CEP68: variants seen among roughly 807,000 people sequenced by gnomAD.
The protein encoded by CEP68 is centrosomal protein 68.
A neutral mutation model predicts 55.3 loss-of-function variants in CEP68; 26 were observed. The observed-to-expected ratio is 0.47, with a 90% confidence interval of 0.34 to 0.65. The LOEUF is 0.65. Among genes scored for constraint, CEP68 ranks in the 30% least tolerant of loss-of-function variants. CEP68 has a pLI of 0.01. For synonymous variants in CEP68, 402 were observed against 383.2 expected (o/e 1.05, Z -0.57); for missense variants, 957 against 946.7 (o/e 1.01, Z -0.14).
Position 65,074,317 on chromosome 2 carries a change from G to A in CEP68, c.1920G>A (p.Trp640Ter), listed in dbSNP as rs1558565169. The A allele has an allele frequency of 6.2e-7, 1 of 1,614,206 alleles. No homozygotes were observed. Among genetic ancestry groups the A allele is most frequent in the African/African-American group, 1.3e-5 (1 of 75,044 alleles). ...GTCAGCTGGAAGAGCTGATCTGCTG[G>A]CTGTATAATGTTGCAGATGTTACTG... ...FCCQLEELIC[W>*]LYNVADVTDH... The change falls in exon 4 of 7, where the codon TGG becomes TGA. Residue 640 changes from tryptophan (W) to a stop codon, truncating the protein, a stop_gained. Coordinates refer to ENST00000377990, the MANE Select transcript of CEP68 (RefSeq NM_015147.3). LOFTEE classifies it high-confidence loss of function.
rs1669000830 is a variant in CEP68 at position 65,085,508 on chromosome 2, C to G, written c.*1874C>G. ...CGCCGTGCTTTAAGTTTAAGACTTA[C>G]CTTAAAACTCAAGCTGAAGGCTGGG... On this transcript the variant is annotated 3_prime_UTR_variant, in exon 7 of 7. Coordinates refer to ENST00000377990, the MANE Select transcript of CEP68 (RefSeq NM_015147.3). 6.6e-6 allele frequency: 1 copy of G among 151,980 alleles called. No individual in the cohort carries two copies. Among genetic ancestry groups the G allele is most frequent in the Non-Finnish European group, 1.5e-5 (1 of 68,012 alleles). 9.4% of individuals were successfully genotyped at this position (151,980 alleles called of 1,614,324 possible).
chr2:65,056,530 T>TA lies in CEP68; in HGVS notation c.-47+3dup, dbSNP rs1377929138. 10 of 151,558 alleles carry TA rather than the reference T, an allele frequency of 6.6e-5. No homozygotes were observed. The highest frequency in any genetic ancestry group is 1.9e-4 in the African/African-American group (8 of 41,092). The allele number at this position is 151,558 out of a possible 1,614,324, so 9.4% of individuals were successfully genotyped here. On this transcript the variant is annotated splice_region_variant and intron_variant, in intron 1 of 6. Transcript: ENST00000377990. ...TGCGAAGCGTTCGCGGTGCGGTAGG[T>TA]AGGCAGTGTCCCGCGTGCGGGTGCT...
rs1407336266 is a variant in CEP68, at chr2:65,084,967, T to C, written c.*1333T>C. 6.6e-6 allele frequency: 1 copy of C among 152,198 alleles called. No homozygotes were observed. The highest frequency in any genetic ancestry group is 1.5e-5 in the Non-Finnish European group (1 of 68,034). 9.4% of individuals were successfully genotyped at this position (152,198 alleles called of 1,614,324 possible). ...AGGGAAAAACCACTCTAGCAAATAA[T>C]TGTCAATTATAAACCTGTATGTAAA... is the stretch of plus-strand genomic sequence containing the variant. On this transcript the variant is annotated 3_prime_UTR_variant, in exon 7 of 7. Coordinates refer to ENST00000377990, the MANE Select transcript of CEP68 (RefSeq NM_015147.3).
intron 5 of CEP68, among the ~76,000 whole-genome samples, chr2:65,079,812 T>C (rs1439032375): frequency 6.6e-6 from 1 of 152,156 alleles, no homozygotes; most frequent in African/African-American, 2.4e-5. Context: ...CCTGAGCGGC[T>C]CCTCTCTTCA....
chr2:65,066,313 C>T (rs1043694567), intron 1 of CEP68, among the ~76,000 whole-genome samples: 1 of 152,142 alleles, frequency 6.6e-6, no homozygotes, highest in African/African-American at 2.4e-5. Context: ...AGACATTGGA[C>T]CGGCTGGGCG....
Position 65,084,266 on chromosome 2 carries a change from T to C in CEP68, c.*632T>C, listed in dbSNP as rs1375392401. The C allele has an allele frequency of 6.6e-6, 1 of 152,246 alleles. No homozygotes were observed. Among genetic ancestry groups the C allele is most frequent in the African/African-American group, 2.4e-5 (1 of 41,456 alleles). The allele number at this position is 152,246 out of a possible 1,614,324, so 9.4% of individuals were successfully genotyped here. A position where few individuals can be genotyped will look rare whatever the true frequency, so the allele number is the denominator to read the frequency against. On this transcript the variant is annotated 3_prime_UTR_variant, in exon 7 of 7. Transcript: ENST00000377990. ...TCTTTACTTTCTTGGCTAACCAGTT[T>C]CTTAGAAGAAAATGTGTCAGGGACT...
intron 4 of CEP68, among the ~76,000 whole-genome samples, chr2:65,077,592 C>T (rs1234560552): frequency 6.6e-6 from 1 of 152,122 alleles, no homozygotes; most frequent in African/African-American, 2.4e-5. Context: ...AGAAGGAGAC[C>T]CTAACTCCAA....
rs1676468982 is a variant in CEP68, at chr2:65,071,678, C to G, written c.582C>G (p.Ser194=). The G allele has an allele frequency of 1.7e-5, 28 of 1,614,192 alleles. No homozygotes were observed. Among genetic ancestry groups the G allele is most frequent in the Non-Finnish European group, 2.2e-5 (26 of 1,180,030 alleles). ...GCCCAGGTTCCGCAGCTCAGCCTTCCAGCTGCAGCATCTCTGCTTCCTCCA... is the reference window on the plus strand; with the variant it reads ...GCCCAGGTTCCGCAGCTCAGCCTTCGAGCTGCAGCATCTCTGCTTCCTCCA... ...VLSPGSAAQP[S]SCSISASSTG... The change falls in exon 3 of 7, where the codon TCC becomes TCG. Residue 194 remains serine, a synonymous_variant. Coordinates refer to ENST00000377990, the MANE Select transcript of CEP68 (RefSeq NM_015147.3).
Position 65,072,298 on chromosome 2 carries a change from C to T in CEP68, c.1202C>T (p.Pro401Leu), listed in dbSNP as rs757916444. 6 of 1,613,924 alleles carry T rather than the reference C, an allele frequency of 3.7e-6. No homozygotes were observed. In the Admixed American group the frequency reaches 6.7e-5, roughly 18 times the overall value. The change falls in exon 3 of 7, where the codon CCC becomes CTC. Residue 401 changes from proline to leucine, a missense_variant. Transcript: ENST00000377990. ...LASWSQLAST[P>L]RAPGSRDARW... ...TCTTGGAGCCAACTTGCATCTACCC[C>T]CAGAGCCCCAGGCAGTAGGGATGCT...
intron 1 of CEP68, among the ~76,000 whole-genome samples, chr2:65,067,416 A>G (rs1343534479): frequency 2.0e-5 from 3 of 152,112 alleles, no homozygotes; most frequent in African/African-American, 7.2e-5. Context: ...GGATGAACAT[A>G]GATATTTGCA....
At chr2:65,069,842 C>A (rs1387161420) in intron 2 of CEP68, 41 bp downstream of exon 2, 1 of 1,528,734 alleles carries the variant, frequency 6.5e-7, no homozygotes, top group Admixed American at 1.7e-5. Flanking sequence ...CCATTGCTGT[C>A]CTTTGGGAGT....
rs772400656 is a variant in CEP68 at position 65,082,669 on chromosome 2, C to T, written c.2238C>T (p.Pro746=). Residue 746 remains proline (P), a synonymous_variant, in exon 6 of 7, where the codon CCC becomes CCT. Coordinates refer to ENST00000377990, the MANE Select transcript of CEP68 (RefSeq NM_015147.3). ...AGCTLIPDKK[P]MAAMEHPCEG... ...GCACCCTTATCCCTGACAAAAAGCC[C>T]ATGGCGGCAATGGAGCACCCATGTG... is the stretch of plus-strand genomic sequence containing the variant. The T allele has an allele frequency of 6.2e-7, 1 of 1,606,956 alleles. No homozygotes were observed. Among genetic ancestry groups the T allele is most frequent in the Non-Finnish European group, 8.5e-7 (1 of 1,178,058 alleles).
At chr2:65,067,199 G>A (rs1676232179) in intron 1 of CEP68, among the ~76,000 whole-genome samples, 1 of 151,616 alleles carries the variant, frequency 6.6e-6, no homozygotes, top group Non-Finnish European at 1.5e-5. Flanking sequence ...CTAACATGGT[G>A]AAACCCCATC....
At chr2:65,080,250 G>T in intron 5 of CEP68, 1 of 985,166 alleles carries the variant, frequency 1.0e-6, no homozygotes, top group Non-Finnish European at 1.2e-6. Flanking sequence ...TTTTTTACTG[G>T]CTTTGGGGTT....
chr2:65,080,852 A>G (rs1327772896), intron 5 of CEP68, among the ~76,000 whole-genome samples: 2 of 152,064 alleles, frequency 1.3e-5, no homozygotes, highest in Non-Finnish European at 2.9e-5. Flanking sequence ...TCAAAAACAT[A>G]AAGTTGTCCC....
chr2:65,081,126 G>C (rs1676989409), intron 5 of CEP68, among the ~76,000 whole-genome samples: 2 of 151,812 alleles, frequency 1.3e-5, no homozygotes, highest in Admixed American at 6.6e-5. Context: ...CAGGAGAATC[G>C]CTTGAACCTG....
intron 5 of CEP68, chr2:65,080,571 C>T (rs1676963807): frequency 1.0e-6 from 1 of 982,944 alleles, no homozygotes; most frequent in Non-Finnish European, 1.2e-6. Context: ...GTAATCTCAA[C>T]ACTTTGGGAG....
intron 1 of CEP68, among the ~76,000 whole-genome samples, chr2:65,057,789 A>G (rs1218501011): frequency 6.6e-6 from 1 of 152,172 alleles, no homozygotes; most frequent in Non-Finnish European, 1.5e-5. Flanking sequence ...TAAGTCAAAC[A>G]GGCTTTAGCT....
intron 5 of CEP68, chr2:65,080,206 T>C: frequency 2.0e-6 from 2 of 981,630 alleles, no homozygotes; most frequent in Non-Finnish European, 2.4e-6. Context: ...ATAATACTTT[T>C]CTGTGCTTAG....
Sources: allele counts gnomAD v4.1 joint callset (sites outside exome capture counted in the v4.1 genomes callset), GRCh38; gene constraint gnomAD v4.1.1; transcripts MANE v1.5; gene names NCBI Gene and HGNC (gene_info 2026-07-23, HGNC 2026-07-21).